ITPR1: variants seen among roughly 807,000 people sequenced by gnomAD.
ITPR1 encodes inositol 1,4,5-trisphosphate receptor type 1.
In ITPR1, 96 loss-of-function variants were observed where a neutral mutation model predicts 318.4. The observed-to-expected ratio is 0.30, with a 90% confidence interval of 0.26 to 0.36. The LOEUF is 0.36. Ranked by LOEUF, ITPR1 falls within the 10% of genes least tolerant of loss-of-function variation. The pLI is 1.00. For missense variants in ITPR1, 2,440 were observed against 3,460.2 expected, an observed-to-expected ratio of 0.71 and a Z score of 7.40; for synonymous variants, 1,312 against 1,289.9, an observed-to-expected ratio of 1.02 and a Z score of -0.37.
chr3:4,514,276 C>G (rs1474981723), intron 2 of ITPR1, among the ~76,000 whole-genome samples: 1 of 152,180 alleles, frequency 6.6e-6, no homozygotes. Context: ...ATTTGTAAAG[C>G]ACTCAGCACA....
chr3:4,713,678 G>A (rs2041549072), intron 39 of ITPR1, among the ~76,000 whole-genome samples: 1 of 152,254 alleles, frequency 6.6e-6, no homozygotes, highest in Non-Finnish European at 1.5e-5. Flanking sequence ...ATAGGGTTGA[G>A]AGGACCCTCA....
intron 2 of ITPR1, among the ~76,000 whole-genome samples, chr3:4,505,400 C>T (rs2081329237): frequency 6.6e-6 from 1 of 152,186 alleles, no homozygotes; most frequent in Non-Finnish European, 1.5e-5. Flanking sequence ...GCCATGTTGG[C>T]CAGGATGGTC....
chr3:4,809,855 G>A (rs977245880), intron 55 of ITPR1, among the ~76,000 whole-genome samples: 6 of 152,122 alleles, frequency 3.9e-5, no homozygotes, highest in Non-Finnish European at 7.3e-5. Flanking sequence ...TTGAGCTGCT[G>A]GAAAACATTT....
chr3:4,543,389 A>G (rs1440777294), intron 4 of ITPR1, among the ~76,000 whole-genome samples: 1 of 152,352 alleles, frequency 6.6e-6, no homozygotes, highest in East Asian at 1.9e-4. Flanking sequence ...CTGTGTTAAC[A>G]TGGAAGCTCC....
In ITPR1 at chr3:4,674,200, A is replaced by C. The variant is rs1472769206; in HGVS notation, c.2457-2A>C. 4 of 1,537,696 alleles carry C rather than the reference A, an allele frequency of 2.6e-6. No homozygotes were observed. The highest frequency in any genetic ancestry group is 2.6e-6 in the Non-Finnish European group (3 of 1,143,562). On this transcript the variant is annotated splice_acceptor_variant, in intron 21 of 61. Coordinates refer to ENST00000649015, the MANE Select transcript of ITPR1 (RefSeq NM_001378452.1). LOFTEE classifies it high-confidence loss of function. ...TTTCCTTTCTTTCTCCTTTCTTTTC[A>C]GCTATGATAGTAGTGGAGCTTCCAA... is the stretch of plus-strand genomic sequence containing the variant.
chr3:4,707,553 C>G (rs1245753495), intron 37 of ITPR1, among the ~76,000 whole-genome samples: 1 of 152,162 alleles, frequency 6.6e-6, no homozygotes, highest in Non-Finnish European at 1.5e-5. Context: ...TTACTGTACT[C>G]TTTTGGTCAA....
intron 34 of ITPR1, among the ~76,000 whole-genome samples, chr3:4,699,604 G>A (rs1241384474): frequency 1.3e-5 from 2 of 152,156 alleles, no homozygotes; most frequent in Non-Finnish European, 2.9e-5. Context: ...TTTAATGTTT[G>A]TGATTTTGCA....
At chr3:4,820,085 G>A (rs2049591195) in intron 60 of ITPR1, among the ~76,000 whole-genome samples, 1 of 152,222 alleles carries the variant, frequency 6.6e-6, no homozygotes, top group South Asian at 2.1e-4. Flanking sequence ...GGGTGCCAGT[G>A]TGGATTTCCA....
At chr3:4,645,877 G>C (rs1233461323) in intron 10 of ITPR1, 149 bp downstream of exon 10, 2 of 689,538 alleles carry the variant, frequency 2.9e-6, no homozygotes, top group African/African-American at 1.8e-5. Context: ...CACACACACA[G>C]AATACATGTG....
intron 4 of ITPR1, among the ~76,000 whole-genome samples, chr3:4,559,472 G>T (rs1374984830): frequency 6.6e-6 from 1 of 152,110 alleles, no homozygotes; most frequent in African/African-American, 2.4e-5. Flanking sequence ...ATAAAAACTT[G>T]TTTTTAATGA....
At chr3:4,703,374 A>C (rs537401015) in intron 36 of ITPR1, among the ~76,000 whole-genome samples, 1 of 152,278 alleles carries the variant, frequency 6.6e-6, no homozygotes, top group South Asian at 2.1e-4. Context: ...GAAATGGTGC[A>C]CTGCTCCCTT....
chr3:4,846,019 T>C lies in ITPR1; in HGVS notation c.8191-120T>C, dbSNP rs2051750262. ...TGTGTTTGATATAGCGATGGTACAC[T>C]ATTTGTAGAAAGTGGGTTTCAGTAT... On this transcript the variant is annotated intron_variant, in intron 61 of 61. Coordinates refer to ENST00000649015, the MANE Select transcript of ITPR1 (RefSeq NM_001378452.1). 7.0e-6 allele frequency: 4 copies of C among 568,704 alleles called. No homozygotes were observed. The South Asian group carries it at 1.1e-4, about 16-fold the overall frequency. The allele number at this position is 568,704 out of a possible 1,614,324, so 35.2% of individuals were successfully genotyped here.
At chr3:4,742,590 A>C (rs2043790217) in intron 44 of ITPR1, among the ~76,000 whole-genome samples, 1 of 152,120 alleles carries the variant, frequency 6.6e-6, no homozygotes, top group South Asian at 2.1e-4. Flanking sequence ...GGCCAATACA[A>C]AGATCTCAAG....
At chr3:4,760,145 C>T (rs2045335043) in intron 44 of ITPR1, among the ~76,000 whole-genome samples, 1 of 152,266 alleles carries the variant, frequency 6.6e-6, no homozygotes, top group South Asian at 2.1e-4. Context: ...CCACAAGTCA[C>T]TGACCTCTCC....
chr3:4,563,373 G>A (rs1228946560), intron 4 of ITPR1, among the ~76,000 whole-genome samples: 1 of 152,096 alleles, frequency 6.6e-6, no homozygotes, highest in African/African-American at 2.4e-5. Flanking sequence ...GCTGGGCATG[G>A]TGATGCACAC....
At chr3:4,520,404 A>G (rs1274636295) in intron 3 of ITPR1, among the ~76,000 whole-genome samples, 1 of 152,098 alleles carries the variant, frequency 6.6e-6, no homozygotes, top group South Asian at 2.1e-4. Flanking sequence ...GTCCTTTCAT[A>G]TCTTCATGAG....
chr3:4,791,981 T>C (rs2047584946), intron 52 of ITPR1, among the ~76,000 whole-genome samples: 1 of 152,216 alleles, frequency 6.6e-6, no homozygotes, highest in Non-Finnish European at 1.5e-5. Flanking sequence ...TCTGAAAAGA[T>C]TCTCGCTGGG....
At chr3:4,829,961 T>TTG (rs2050350474) in intron 60 of ITPR1, among the ~76,000 whole-genome samples, 2 of 88,526 alleles carry the variant, frequency 2.3e-5, no homozygotes, top group Non-Finnish European at 4.9e-5. Context: ...ACAGTTTTTT[T>TTG]TTTTTTTTTT....
intron 4 of ITPR1, among the ~76,000 whole-genome samples, chr3:4,619,919 A>T (rs2092561825): frequency 6.7e-6 from 1 of 148,408 alleles, no homozygotes; most frequent in Non-Finnish European, 1.5e-5. Context: ...GTAGTACATT[A>T]AAACATTTTT....
Sources: gnomAD v4.1 joint callset for allele counts (sites outside exome capture counted in the v4.1 genomes callset) on GRCh38, gnomAD v4.1.1 for gene constraint, MANE v1.5 for transcripts, NCBI Gene and HGNC (gene_info 2026-07-23, HGNC 2026-07-21) for gene names.